VAV2: variants seen among roughly 807,000 people sequenced by gnomAD.
VAV2 encodes guanine nucleotide exchange factor VAV2.
In VAV2, 67 loss-of-function variants were observed where a neutral mutation model predicts 132.5. That is an observed-to-expected ratio of 0.51 (90% CI 0.42 to 0.62). The LOEUF is 0.62. Ranked by LOEUF, VAV2 falls within the 20% of genes least tolerant of loss-of-function variation. VAV2 has a pLI of 0.00. For missense variants in VAV2, 938 were observed against 1,153.6 expected (o/e 0.81, Z 2.71); for synonymous variants, 492 against 443.5 (o/e 1.11, Z -1.37).
At chr9:133,945,415 T>C (rs1190598588) in intron 1 of VAV2, among the ~76,000 whole-genome samples, 2 of 152,120 alleles carry the variant, frequency 1.3e-5, no homozygotes, top group African/African-American at 4.8e-5. Context: ...CGGCACATAA[T>C]AACTAACTAG....
chr9:133,764,001 G>T lies in VAV2; in HGVS notation c.*61C>A. On this transcript the variant is annotated 3_prime_UTR_variant, in exon 30 of 30. Transcript: ENST00000371850. ...CTGAGTCACAGAGGAGCTAGAGACA[G>T]ACTTCAGGGCTGGAGTGACTCTCCC... The T allele has an allele frequency of 6.3e-7, 1 of 1,598,304 alleles. No homozygotes were observed. Among genetic ancestry groups the T allele is most frequent in the South Asian group, 1.1e-5 (1 of 90,706 alleles).
At chr9:133,805,210 G>GT (rs1453587025) in intron 9 of VAV2, among the ~76,000 whole-genome samples, 3 of 152,080 alleles carry the variant, frequency 2.0e-5, no homozygotes, top group Non-Finnish European at 1.5e-5. Context: ...GGGCCGCGTG[G>GT]TAAGATGCAC....
Position 133,834,401 on chromosome 9 carries a change from C to G in VAV2, c.381-61G>C. ...CCCGGCACTGCCGGCCAGTGGGACCCCAGCTGGACCCCACAGCAGAGCCCA... is the reference window on the plus strand; with the variant it reads ...CCCGGCACTGCCGGCCAGTGGGACCGCAGCTGGACCCCACAGCAGAGCCCA... On this transcript the variant is annotated intron_variant, in intron 3 of 29. Transcript: ENST00000371850. This position sits in a 1 kb window ranked among gnomAD's most constrained non-coding sequence, Gnocchi z 5.9. 1.9e-6 allele frequency: 3 copies of G among 1,553,034 alleles called. No individual in the cohort carries two copies. Among genetic ancestry groups the G allele is most frequent in the Non-Finnish European group, 2.6e-6 (3 of 1,139,222 alleles).
At position 133,834,969 on chromosome 9, in the gene VAV2, C is replaced by T. The variant is rs556143334; in HGVS notation, c.381-629G>A. Among the ~76,000 whole-genome samples the T allele has an allele frequency of 1.7e-3, 253 of 152,330 alleles. No homozygotes were observed. Among genetic ancestry groups the T allele is most frequent in the Admixed American group, 2.3e-3 (35 of 15,312 alleles). On this transcript the variant is annotated intron_variant, in intron 3 of 29. Transcript: ENST00000371850. This position sits in a 1 kb window ranked among gnomAD's most constrained non-coding sequence, Gnocchi z 5.9. Reference sequence around the variant, plus strand: ...GAGCAGAAGCCCCATGGGGTCTCCCCAGAAGGAACGCGGCGGTGCTCCCCC... The same window carrying T: ...GAGCAGAAGCCCCATGGGGTCTCCCTAGAAGGAACGCGGCGGTGCTCCCCC...
In VAV2 at chr9:133,884,676, C is replaced by A. The variant is rs111974571; in HGVS notation, c.322-23244G>T. ...ATAAGAAGCTTGCTAAAAAGAAAAA[C>A]AAAAAAAAACACCTCTGGCTTTAAA... On this transcript the variant is annotated intron_variant, in intron 2 of 29. Coordinates refer to ENST00000371850, the MANE Select transcript of VAV2 (RefSeq NM_001134398.2). This position sits in a 1 kb window ranked among gnomAD's most constrained non-coding sequence, Gnocchi z 5.3. Among the ~76,000 whole-genome samples the A allele has an allele frequency of 0.021, 3,142 of 149,812 alleles. 58 individuals carry two copies. Among genetic ancestry groups the A allele is most frequent in the African/African-American group, 0.054 (2,212 of 40,954 alleles).
intron 4 of VAV2, among the ~76,000 whole-genome samples, chr9:133,829,249 A>G (rs1254789887): frequency 6.6e-6 from 1 of 152,260 alleles, no homozygotes; most frequent in African/African-American, 2.4e-5. Context: ...AGCATTTTTA[A>G]GTGGCAATAT....
intron 2 of VAV2, among the ~76,000 whole-genome samples, chr9:133,914,578 T>G: frequency 8.2e-6 from 1 of 122,162 alleles, no homozygotes; most frequent in Non-Finnish European, 1.7e-5. Context: ...TGCCAAGGGA[T>G]GGGATTTCTG....
At chr9:133,797,148 AGGGG>A (rs1187239759) in intron 10 of VAV2, among the ~76,000 whole-genome samples, 2 of 152,170 alleles carry the variant, frequency 1.3e-5, no homozygotes, top group South Asian at 4.1e-4. Flanking sequence ...TGGGAACAGG[AGGGG>A]CTGGGAGGGG....
intron 3 of VAV2, among the ~76,000 whole-genome samples, chr9:133,852,379 G>T (rs1390349157): frequency 6.7e-6 from 1 of 148,538 alleles, no homozygotes; most frequent in African/African-American, 2.5e-5. Context: ...TAAAAAGAAG[G>T]AAGGAAAGAA....
intron 29 of VAV2, among the ~76,000 whole-genome samples, chr9:133,766,079 T>G (rs373290243): frequency 1.3e-5 from 2 of 152,130 alleles, no homozygotes; most frequent in African/African-American, 2.4e-5. Context: ...AGAAGGGATG[T>G]CAGGCAGCAG....
chr9:133,851,960 T>G (rs1434231012), intron 3 of VAV2, among the ~76,000 whole-genome samples: 1 of 140,110 alleles, frequency 7.1e-6, no homozygotes, highest in African/African-American at 2.8e-5. Context: ...TACATGGATG[T>G]ATGGATGGAA....
At chr9:133,887,124 C>T (rs1838743397) in intron 2 of VAV2, among the ~76,000 whole-genome samples, 1 of 152,176 alleles carries the variant, frequency 6.6e-6, no homozygotes, top group Admixed American at 6.5e-5. Flanking sequence ...GCAGAAATCG[C>T]ACCTCCTTTG....
rs1836115059 is a variant in VAV2 at position 133,828,271 on chromosome 9, AGCT to A, written c.449+5998_449+6000del. Among the ~76,000 whole-genome samples the A allele has an allele frequency of 4.1e-5, 4 of 98,676 alleles. 1 individual carries two copies. Among genetic ancestry groups the A allele is most frequent in the Admixed American group, 9.6e-5 (1 of 10,400 alleles). The allele number at this position is 98,676 out of a possible 152,430, so 64.7% of individuals were successfully genotyped here. A position where few individuals can be genotyped will look rare whatever the true frequency, so the allele number is the denominator to read the frequency against. Reference sequence around the variant, plus strand: ...CTGACCACTGAGCACGGGCATCGCCAGCTACCGCTGCGCCCACTGGGGCTGACC... The same window carrying A: ...CTGACCACTGAGCACGGGCATCGCCAACCGCTGCGCCCACTGGGGCTGACC... On this transcript the variant is annotated intron_variant, in intron 4 of 29. Coordinates refer to ENST00000371850, the MANE Select transcript of VAV2 (RefSeq NM_001134398.2).
intron 2 of VAV2, among the ~76,000 whole-genome samples, chr9:133,877,665 C>G (rs144590768): frequency 6.6e-6 from 1 of 152,290 alleles, no homozygotes; most frequent in East Asian, 1.9e-4. Context: ...CAGAACCCCC[C>G]TCTCATGGCC....
intron 3 of VAV2, among the ~76,000 whole-genome samples, chr9:133,835,303 G>T (rs1018428833): frequency 6.6e-6 from 1 of 151,994 alleles, no homozygotes; most frequent in South Asian, 2.1e-4. Flanking sequence ...GTGTGGCCCC[G>T]AGTCTACAGG....
At chr9:133,948,636 T>C (rs1259244897) in intron 1 of VAV2, among the ~76,000 whole-genome samples, 2 of 152,220 alleles carry the variant, frequency 1.3e-5, no homozygotes, top group Non-Finnish European at 2.9e-5. Context: ...CAACAGCGTG[T>C]CTCGTTTCAC....
At chr9:133,801,709 G>A (rs1834935491) in intron 9 of VAV2, among the ~76,000 whole-genome samples, 1 of 152,204 alleles carries the variant, frequency 6.6e-6, no homozygotes, top group Non-Finnish European at 1.5e-5. Flanking sequence ...GGACTGAGAT[G>A]AGGCCATGCT....
At chr9:133,785,706 T>C (rs1037923762) in intron 17 of VAV2, 70 bp downstream of exon 17, 65 of 1,467,044 alleles carry the variant, frequency 4.4e-5, no homozygotes, top group Middle Eastern at 4.6e-4. Context: ...ACAGACACAA[T>C]CCACCTGGGC....
At chr9:133,827,221 T>C (rs2486343) in intron 4 of VAV2, among the ~76,000 whole-genome samples, 4,785 of 79,860 alleles carry the variant, frequency 0.06, 1,062 homozygotes, top group African/African-American at 0.28. Context: ...CGCCAGCTAC[T>C]GCTGTGCCCA....
Sources: gnomAD v4.1 joint callset for allele counts (sites outside exome capture counted in the v4.1 genomes callset) on GRCh38, gnomAD v4.1.1 for gene constraint, Gnocchi (gnomAD v3.1) non-coding constraint, MANE v1.5 for transcripts, NCBI Gene and HGNC (gene_info 2026-07-23, HGNC 2026-07-21) for gene names.